Variants in NRK observed in about 807,000 individuals in gnomAD.
NRK encodes the protein Nik related kinase, also known as nik-related protein kinase.
NRK carries 67 observed loss-of-function variants against 125.2 expected under a neutral mutation model. That is an observed-to-expected ratio of 0.54 (90% CI 0.44 to 0.66). The LOEUF is 0.66. Among genes scored for constraint, NRK ranks in the 30% least tolerant of loss-of-function variants. NRK has a pLI of 0.00. For synonymous variants in NRK, 458 were observed against 429.0 expected (o/e 1.07, Z -0.84); for missense variants, 1,224 against 1,192.9 (o/e 1.03, Z -0.38).
At chrX:105,935,972 T>G (rs1327852753) in intron 21 of NRK, among the ~76,000 whole-genome samples, 2 of 110,132 alleles carry the variant, frequency 1.8e-5, no homozygotes, top group Admixed American at 9.8e-5. Flanking sequence ...CTTGGAAATT[T>G]GTAGAGAAAG....
In NRK at chrX:105,946,016, G is replaced by C; in HGVS notation, c.4203+1G>C. On this transcript the variant is annotated splice_donor_variant, in intron 25 of 28. Transcript: ENST00000243300. LOFTEE classifies it high-confidence loss of function. Reference sequence around the variant, plus strand: ...GCTCCTTCATTTGCTGAAGCTCAAGGCAAGGAACTTGAAGACAGCAAACAG... The same window carrying C: ...GCTCCTTCATTTGCTGAAGCTCAAGCCAAGGAACTTGAAGACAGCAAACAG... 8.3e-7 allele frequency: 1 copy of C among 1,206,485 alleles called. No homozygotes were observed. Among genetic ancestry groups the C allele is most frequent in the Non-Finnish European group, 1.1e-6 (1 of 892,062 alleles).
At chrX:105,831,638 T>C (rs1248261818) in intron 2 of NRK, among the ~76,000 whole-genome samples, 2 of 112,153 alleles carry the variant, frequency 1.8e-5, no homozygotes, top group Admixed American at 1.9e-4. Context: ...TGATAGTCTC[T>C]GGGAATAAAA....
In NRK at chrX:105,892,055, A is replaced by G. The variant is rs780234876; in HGVS notation, c.379-1777A>G. Among the ~76,000 whole-genome samples, 5 of 111,923 alleles carry G rather than the reference A, an allele frequency of 4.5e-5. No individual in the cohort carries two copies. In the South Asian group the frequency reaches 1.5e-3, roughly 33 times the overall value. On this transcript the variant is annotated intron_variant, in intron 5 of 28. Transcript: ENST00000243300. ...TACTCAGTTCATTCAGGCATTCAAC[A>G]TATATCAATTGAAAACTATCTATTT... is the stretch of plus-strand genomic sequence containing the variant.
chrX:105,916,078 A>C (rs764857495), intron 15 of NRK, among the ~76,000 whole-genome samples: 11 of 111,204 alleles, frequency 9.9e-5, no homozygotes, highest in African/African-American at 3.6e-4. Flanking sequence ...ATACTTTGAC[A>C]GTATTCAATT....
intron 1 of NRK, among the ~76,000 whole-genome samples, chrX:105,823,131 A>T: frequency 8.9e-6 from 1 of 112,889 alleles, no homozygotes; most frequent in Middle Eastern, 4.6e-3. Flanking sequence ...GGAAGGAGAG[A>T]CAGAGAAAGA....
chrX:105,932,136 C>T (rs1378444165), intron 19 of NRK, among the ~76,000 whole-genome samples: 1 of 111,581 alleles, frequency 9.0e-6, no homozygotes, highest in Non-Finnish European at 1.9e-5. Context: ...AGAGTTTATC[C>T]ACATTGCAGC....
chrX:105,895,591 A>G (rs1242947385), intron 7 of NRK, 68 bp downstream of exon 7: 1 of 700,494 alleles, frequency 1.4e-6, no homozygotes, highest in African/African-American at 2.1e-5. Context: ...TAAGATAACT[A>G]TGCTTTCTAT....
At chrX:105,922,581 T>A (rs776192328) in intron 17 of NRK, among the ~76,000 whole-genome samples, 97 of 112,026 alleles carry the variant, frequency 8.7e-4, no homozygotes, top group Non-Finnish European at 1.4e-3. Flanking sequence ...GAATTACCTC[T>A]ATGCTACCGT....
chrX:105,846,835 C>A (rs2039408576), intron 2 of NRK, among the ~76,000 whole-genome samples: 1 of 112,193 alleles, frequency 8.9e-6, no homozygotes, highest in Non-Finnish European at 1.9e-5. Context: ...TAGCCAATTA[C>A]AATTCAAGAT....
At chrX:105,886,802 A>T (rs1306944765) in intron 4 of NRK, among the ~76,000 whole-genome samples, 2 of 110,336 alleles carry the variant, frequency 1.8e-5, no homozygotes, top group Admixed American at 2.0e-4. Flanking sequence ...AATAATAAAA[A>T]TTTTTAAAAG....
In NRK at chrX:105,898,570, A is replaced by C; in HGVS notation, c.581-14A>C. On this transcript the variant is annotated splice_polypyrimidine_tract_variant and intron_variant, in intron 7 of 28. Transcript: ENST00000243300. ...TCCTGATTGATTATTTTGACATATA[A>C]TGATTTTTGGCAGTTGATTTTGGAG... The C allele has an allele frequency of 1.7e-6, 2 of 1,189,982 alleles. No homozygotes were observed. The highest frequency in any genetic ancestry group is 2.3e-6 in the Non-Finnish European group (2 of 882,721).
intron 2 of NRK, among the ~76,000 whole-genome samples, chrX:105,863,210 C>T (rs1417204327): frequency 2.7e-5 from 3 of 110,845 alleles, no homozygotes; most frequent in Non-Finnish European, 3.8e-5. Flanking sequence ...GCAGAAGGTA[C>T]GAAGGCAGTT....
At chrX:105,905,550 T>A (rs2040209852) in intron 10 of NRK, among the ~76,000 whole-genome samples, 1 of 112,800 alleles carries the variant, frequency 8.9e-6, no homozygotes, top group Non-Finnish European at 1.9e-5. Context: ...TCCTCTATAG[T>A]ATTTTCTGAT....
In NRK at chrX:105,946,416, C is replaced by A; in HGVS notation, c.4305C>A (p.Leu1435=). The A allele has an allele frequency of 8.3e-7, 1 of 1,197,938 alleles. No individual in the cohort carries two copies. The highest frequency in any genetic ancestry group is 1.1e-6 in the Non-Finnish European group (1 of 883,812). ...IFFSSADGYH[L]IDAESEVMSD... ...TCAGCTCAGCAGATGGATATCACCTCATCGATGCAGAATCTGAGGTTATGT... is the reference window on the plus strand; with the variant it reads ...TCAGCTCAGCAGATGGATATCACCTAATCGATGCAGAATCTGAGGTTATGT... The change falls in exon 26 of 29, where the codon CTC becomes CTA. Residue 1435 remains leucine (L), a synonymous_variant. Transcript: ENST00000243300.
intron 2 of NRK, among the ~76,000 whole-genome samples, chrX:105,876,091 A>G (rs953014251): frequency 9.0e-6 from 1 of 110,758 alleles, no homozygotes; most frequent in Non-Finnish European, 1.9e-5. Flanking sequence ...CAGAGAGTAT[A>G]ATAGTGGTTA....
rs980074417 is a variant in NRK, at chrX:105,924,955, G to C, written c.3236G>C (p.Gly1079Ala). 1 of 1,211,334 alleles carries C rather than the reference G, an allele frequency of 8.3e-7. No homozygotes were observed. Among genetic ancestry groups the C allele is most frequent in the African/African-American group, 1.7e-5 (1 of 57,838 alleles). The change falls in exon 19 of 29, where the codon GGA becomes GCA. Residue 1079 changes from glycine (G) to alanine (A), a missense_variant. Gly to Ala is a moderately conservative substitution (Grantham distance 60). Transcript: ENST00000243300. Reference protein sequence around the residue: ...SEESGALGLNGEENCSETDGP... With the variant: ...SEESGALGLNAEENCSETDGP... ...GAGAGTGGAGCCCTTGGACTCAATG[G>C]AGAAGAAAATTGCTCAGAGACAGAT...
chrX:105,895,575 C>G, intron 7 of NRK, 52 bp downstream of exon 7: 1 of 798,925 alleles, frequency 1.3e-6, no homozygotes, highest in South Asian at 2.2e-5. Context: ...ATGGAGAAAG[C>G]TCCTTTAAGA....
At chrX:105,825,291 TG>T (rs1342314382) in intron 1 of NRK, among the ~76,000 whole-genome samples, 5 of 112,253 alleles carry the variant, frequency 4.5e-5, no homozygotes, top group Non-Finnish European at 9.4e-5. Context: ...CTTCATATGA[TG>T]GTATCCCTTG....
chrX:105,897,876 C>T (rs1221032729), intron 7 of NRK, among the ~76,000 whole-genome samples: 2 of 111,635 alleles, frequency 1.8e-5, no homozygotes, highest in Non-Finnish European at 1.9e-5. Flanking sequence ...CCTCTGGATT[C>T]CTGGAAACCA....
Sources: allele counts gnomAD v4.1 joint callset (sites outside exome capture counted in the v4.1 genomes callset), GRCh38; gene constraint gnomAD v4.1.1; transcripts MANE v1.5; gene names NCBI Gene and HGNC (gene_info 2026-07-23, HGNC 2026-07-21).